Variants in CACNA2D1 observed in about 807,000 individuals in gnomAD.
The protein encoded by CACNA2D1 is voltage-dependent calcium channel subunit alpha-2/delta-1.
CACNA2D1 carries 53 observed loss-of-function variants against 171.5 expected under a neutral mutation model. The observed-to-expected ratio is 0.31, with a 90% CI of 0.25 to 0.39. The LOEUF is 0.39. Ranked by LOEUF, CACNA2D1 falls within the 10% of genes least tolerant of loss-of-function variation. CACNA2D1 has a pLI of 1.00. For missense variants in CACNA2D1, 903 were observed against 1,299.8 expected (o/e 0.69, Z 4.69); for synonymous variants, 442 against 443.1 (o/e 1.00, Z 0.03).
intron 3 of CACNA2D1, among the ~76,000 whole-genome samples, chr7:82,315,796 C>T (rs1815046109): frequency 6.6e-6 from 1 of 152,044 alleles, no homozygotes; most frequent in South Asian, 2.1e-4. Context: ...ACCACACAAC[C>T]AATTCTACAC....
At chr7:82,437,353 C>T (rs1830183478) in intron 1 of CACNA2D1, among the ~76,000 whole-genome samples, 1 of 152,044 alleles carries the variant, frequency 6.6e-6, no homozygotes, top group African/African-American at 2.4e-5. Flanking sequence ...AAAAAAAGAG[C>T]TTCAAATAGA....
chr7:82,062,598 CTT>C (rs34862731), intron 9 of CACNA2D1, among the ~76,000 whole-genome samples: 2,112 of 141,690 alleles, frequency 0.015, 43 homozygotes, highest in African/African-American at 0.043. Flanking sequence ...GGTACTATGT[CTT>C]TTTTTTTTTT....
At position 81,949,618 on chromosome 7, in the gene CACNA2D1, C is replaced by CA. The variant is rs2129917461; in HGVS notation, c.*773dup. The CA allele has an allele frequency of 6.6e-6, 1 of 152,140 alleles. No homozygotes were observed. Among genetic ancestry groups the CA allele is most frequent in the African/African-American group, 2.4e-5 (1 of 41,498 alleles). 9.4% of individuals were successfully genotyped at this position (152,140 alleles called of 1,614,324 possible). A position where few individuals can be genotyped will look rare whatever the true frequency, so the allele number is the denominator to read the frequency against. On this transcript the variant is annotated 3_prime_UTR_variant, in exon 39 of 39. Coordinates refer to ENST00000356860, the MANE Select transcript of CACNA2D1 (RefSeq NM_000722.4). Reference sequence around the variant, plus strand: ...TAGCACTACATAACTGTACTGTGAACAAAAGGAACATTACATCAAAGCATT... The same window carrying CA: ...TAGCACTACATAACTGTACTGTGAACAAAAAGGAACATTACATCAAAGCATT...
chr7:82,349,776 C>G (rs79443574), intron 1 of CACNA2D1, 127 bp from the exon 2 acceptor site: 1 of 773,558 alleles, frequency 1.3e-6, no homozygotes, highest in African/African-American at 1.7e-5. Flanking sequence ...TCCCTCCTAG[C>G]ACCGACTATG....
intron 1 of CACNA2D1, among the ~76,000 whole-genome samples, chr7:82,424,175 A>G (rs1209283258): frequency 1.3e-5 from 2 of 152,152 alleles, no homozygotes; most frequent in Non-Finnish European, 2.9e-5. Flanking sequence ...TGCTAGACTT[A>G]TAACAAGAAA....
chr7:82,041,001 A>G (rs1351281635), intron 10 of CACNA2D1, among the ~76,000 whole-genome samples: 1 of 150,170 alleles, frequency 6.7e-6, no homozygotes, highest in Admixed American at 6.7e-5. Flanking sequence ...AACAAAACAA[A>G]CAAAAAAATG....
At chr7:81,970,073 C>T (rs779841049) in intron 27 of CACNA2D1, 89 bp from the exon 28 acceptor site, 106 of 791,686 alleles carry the variant, frequency 1.3e-4, no homozygotes, top group Non-Finnish European at 2.1e-4. Context: ...TTTACAGATA[C>T]GCCTACATCT....
Position 82,198,766 on chromosome 7 carries a change from T to A in CACNA2D1, c.295-28157A>T, listed in dbSNP as rs116048563. Among the ~76,000 whole-genome samples the A allele has an allele frequency of 8.7e-3, 1,327 of 151,926 alleles. 19 individuals carry two copies. Among genetic ancestry groups the A allele is most frequent in the African/African-American group, 0.03 (1,264 of 41,468 alleles). ...AGGAAACCTAATAAAACCTTAATCCTCTACTCTATTAATACTATGCTGCTC... is the reference window on the plus strand; with the variant it reads ...AGGAAACCTAATAAAACCTTAATCCACTACTCTATTAATACTATGCTGCTC... On this transcript the variant is annotated intron_variant, in intron 3 of 38. Transcript: ENST00000356860.
intron 3 of CACNA2D1, among the ~76,000 whole-genome samples, chr7:82,323,026 A>G (rs1235556755): frequency 6.6e-6 from 1 of 152,198 alleles, no homozygotes; most frequent in Non-Finnish European, 1.5e-5. Context: ...TCAGAACACC[A>G]CTTTTAGTCC....
chr7:81,951,982 T>TTTTTTGTTTTTTTTTTTTG (rs1433707799), intron 38 of CACNA2D1, among the ~76,000 whole-genome samples: 1 of 149,118 alleles, frequency 6.7e-6, no homozygotes, highest in African/African-American at 2.5e-5. Flanking sequence ...TTTTTTTTTT[T>TTTTTTGTTTTTTTTTTTTG]TTTTTTTTTA....
rs749788397 is a variant in CACNA2D1 at position 81,974,522 on chromosome 7, A to C, written c.1986T>G (p.Asp662Glu). Residue 662 changes from aspartate to glutamate, a missense_variant, in exon 25 of 39, where the codon GAT becomes GAG. By Grantham distance (45) the Asp-to-Glu change is conservative. Coordinates refer to ENST00000356860, the MANE Select transcript of CACNA2D1 (RefSeq NM_000722.4). ...AATTTAAAAGAAATTCAGTGTTATT[A>C]TCCGATATTTTCAGGTCATTGCAGT... The part of the protein sequence containing the change: ...RDYCNDLKIS[D>E]NNTEFLLNFN... The C allele has an allele frequency of 6.4e-7, 1 of 1,570,684 alleles. No individual in the cohort carries two copies. Among genetic ancestry groups the C allele is most frequent in the South Asian group, 1.1e-5 (1 of 89,948 alleles).
At chr7:82,384,578 A>G (rs1352186003) in intron 1 of CACNA2D1, among the ~76,000 whole-genome samples, 2 of 151,808 alleles carry the variant, frequency 1.3e-5, no homozygotes, top group Non-Finnish European at 2.9e-5. Context: ...AAATTAAAAA[A>G]AAAATCACTG....
intron 3 of CACNA2D1, among the ~76,000 whole-genome samples, chr7:82,260,094 C>T (rs1326667749): frequency 3.3e-5 from 5 of 151,910 alleles, no homozygotes; most frequent in South Asian, 4.2e-4. Flanking sequence ...TGGTGGTGGG[C>T]GCCTGTAATC....
chr7:82,073,407 T>C (rs1808555630), intron 7 of CACNA2D1, among the ~76,000 whole-genome samples: 1 of 152,314 alleles, frequency 6.6e-6, no homozygotes, highest in African/African-American at 2.4e-5. Flanking sequence ...ATACGAGGCA[T>C]ACAAATATGT....
Position 82,443,628 on chromosome 7 carries a change from G to T in CACNA2D1, c.-169C>A. 7.6e-7 allele frequency: 1 copy of T among 1,316,516 alleles called. No individual in the cohort carries two copies. Among genetic ancestry groups the T allele is most frequent in the South Asian group, 2.3e-5 (1 of 42,828 alleles). The allele number at this position is 1,316,516 out of a possible 1,614,324, so 81.6% of individuals were successfully genotyped here. A position where few individuals can be genotyped will look rare whatever the true frequency, so the allele number is the denominator to read the frequency against. On this transcript the variant is annotated 5_prime_UTR_variant, in exon 1 of 39. Transcript: ENST00000356860. ...GAGCCGCGCGGGGGACGGCAAGGGC[G>T]GGAGCGGACGCCGAGGAAGGGGCGG...
At chr7:82,160,666 G>A (rs1008720826) in intron 4 of CACNA2D1, among the ~76,000 whole-genome samples, 5 of 151,938 alleles carry the variant, frequency 3.3e-5, no homozygotes, top group Admixed American at 3.3e-4. Context: ...TAGAGACAAG[G>A]TCTCCTTACG....
chr7:82,185,341 T>C (rs975276134), intron 3 of CACNA2D1, among the ~76,000 whole-genome samples: 4 of 126,734 alleles, frequency 3.2e-5, no homozygotes, highest in Non-Finnish European at 5.3e-5. Context: ...TTAGGCCAAA[T>C]GGAGGTTAGG....
At chr7:81,987,297 T>C (rs1469610439) in intron 21 of CACNA2D1, among the ~76,000 whole-genome samples, 4 of 152,320 alleles carry the variant, frequency 2.6e-5, no homozygotes, top group Admixed American at 1.3e-4. Flanking sequence ...TTGCTGTCTC[T>C]GTCCATATAA....
chr7:82,240,228 G>T (rs939339535), intron 3 of CACNA2D1, among the ~76,000 whole-genome samples: 2 of 152,040 alleles, frequency 1.3e-5, no homozygotes, highest in Admixed American at 6.6e-5. Flanking sequence ...TATGAGCCTT[G>T]GTTTCCTCCT....
Sources: allele counts gnomAD v4.1 joint callset (sites outside exome capture counted in the v4.1 genomes callset), GRCh38; gene constraint gnomAD v4.1.1; transcripts MANE v1.5; gene names NCBI Gene and HGNC (gene_info 2026-07-23, HGNC 2026-07-21).